Variants in SMAP1 observed in about 807,000 individuals in gnomAD.
SMAP1 encodes small ArfGAP 1.
SMAP1 carries 24 observed loss-of-function variants against 58.5 expected under a neutral mutation model. That is an observed-to-expected ratio of 0.41 (90% CI 0.30 to 0.58). The LOEUF (loss-of-function observed/expected upper bound fraction) is 0.58. Ranked by LOEUF, SMAP1 falls within the 20% of genes least tolerant of loss-of-function variation. The pLI is 0.29. For synonymous variants in SMAP1, 216 were observed against 196.6 expected, an observed-to-expected ratio of 1.10 and a Z score of -0.82; for missense variants, 563 against 566.3, an observed-to-expected ratio of 0.99 and a Z score of 0.06.
At chr6:70,816,672 G>A (rs1412898131) in intron 6 of SMAP1, among the ~76,000 whole-genome samples, 2 of 152,100 alleles carry the variant, frequency 1.3e-5, no homozygotes, top group African/African-American at 2.4e-5. Flanking sequence ...AAAACAAAAT[G>A]TCCTGCTGTC....
intron 6 of SMAP1, among the ~76,000 whole-genome samples, chr6:70,805,072 C>T (rs1016717942): frequency 7.9e-5 from 12 of 152,056 alleles, no homozygotes; most frequent in African/African-American, 2.9e-4. Context: ...GTACGTTCTC[C>T]TGGATAATAT....
chr6:70,753,681 T>C (rs778065680), intron 2 of SMAP1, among the ~76,000 whole-genome samples: 45 of 152,150 alleles, frequency 3.0e-4, no homozygotes, highest in Admixed American at 3.9e-4. Flanking sequence ...GACTTTATAC[T>C]GTTTACCTTT....
chr6:70,765,283 T>C (rs979929611), intron 3 of SMAP1, among the ~76,000 whole-genome samples: 4 of 152,232 alleles, frequency 2.6e-5, no homozygotes, highest in Non-Finnish European at 5.9e-5. Flanking sequence ...ACCACGACTT[T>C]AAGCAAAATG....
intron 6 of SMAP1, among the ~76,000 whole-genome samples, chr6:70,824,807 G>A (rs768830558): frequency 2.0e-5 from 3 of 152,080 alleles, no homozygotes; most frequent in Non-Finnish European, 4.4e-5. Context: ...AAGAACTGTC[G>A]GCTGCCCTTT....
intron 7 of SMAP1, among the ~76,000 whole-genome samples, chr6:70,840,252 A>G (rs1034528215): frequency 1.3e-5 from 2 of 152,184 alleles, no homozygotes; most frequent in African/African-American, 4.8e-5. Context: ...GTTTCATAAT[A>G]GCCTAATACT....
At chr6:70,813,587 C>T (rs988293277) in intron 6 of SMAP1, among the ~76,000 whole-genome samples, 2 of 151,484 alleles carry the variant, frequency 1.3e-5, no homozygotes, top group African/African-American at 2.4e-5. Flanking sequence ...CCTTCTCTTC[C>T]CCTACTCCCT....
chr6:70,842,677 C>A (rs1474526075), intron 7 of SMAP1, among the ~76,000 whole-genome samples: 1 of 152,160 alleles, frequency 6.6e-6, no homozygotes, highest in Non-Finnish European at 1.5e-5. Flanking sequence ...CTAATTATCT[C>A]ATTTGAAGAG....
intron 1 of SMAP1, among the ~76,000 whole-genome samples, chr6:70,686,434 A>G (rs1408844179): frequency 5.9e-5 from 9 of 152,216 alleles, no homozygotes; most frequent in African/African-American, 2.2e-4. Flanking sequence ...ATGGGTGTAA[A>G]TGGCCCTTGA....
At chr6:70,828,845 G>C (rs1482676457) in intron 6 of SMAP1, among the ~76,000 whole-genome samples, 1 of 152,166 alleles carries the variant, frequency 6.6e-6, no homozygotes, top group African/African-American at 2.4e-5. Flanking sequence ...CTGTACTCCA[G>C]CCTGGGCAAG....
At chr6:70,776,922 G>A (rs1440878861) in intron 4 of SMAP1, among the ~76,000 whole-genome samples, 1 of 152,076 alleles carries the variant, frequency 6.6e-6, no homozygotes, top group South Asian at 2.1e-4. Flanking sequence ...TCTGTATCTT[G>A]GCTATTGTGA....
At chr6:70,800,507 G>A (rs1050461424) in intron 6 of SMAP1, among the ~76,000 whole-genome samples, 1 of 151,558 alleles carries the variant, frequency 6.6e-6, no homozygotes, top group Non-Finnish European at 1.5e-5. Flanking sequence ...TTTTGTTTCT[G>A]TTTTCATTTT....
At chr6:70,775,834 A>AAAT (rs1767525136) in intron 4 of SMAP1, among the ~76,000 whole-genome samples, 1 of 152,206 alleles carries the variant, frequency 6.6e-6, no homozygotes, top group Non-Finnish European at 1.5e-5. Flanking sequence ...AATATAAGCA[A>AAAT]AATAATAATA....
At chr6:70,733,692 T>C (rs1047160606) in intron 2 of SMAP1, among the ~76,000 whole-genome samples, 3 of 152,180 alleles carry the variant, frequency 2.0e-5, no homozygotes, top group Non-Finnish European at 4.4e-5. Context: ...GTAACTCTTT[T>C]TCAAGAAACG....
intron 6 of SMAP1, among the ~76,000 whole-genome samples, chr6:70,823,449 C>T (rs1284480093): frequency 6.6e-6 from 1 of 152,110 alleles, no homozygotes; most frequent in Non-Finnish European, 1.5e-5. Context: ...AAACTCCTAG[C>T]AGGTCAGGCT....
In SMAP1 at chr6:70,861,589, G is replaced by T; in HGVS notation, c.*1255G>T. 7.3e-7 allele frequency: 1 copy of T among 1,365,950 alleles called. No homozygotes were observed. The allele number at this position is 1,365,950 out of a possible 1,614,324, so 84.6% of individuals were successfully genotyped here. On this transcript the variant is annotated 3_prime_UTR_variant, in exon 11 of 11. Transcript: ENST00000370455. ...AAAACAAACAATACCTGAATGCTCT[G>T]TAGCCTAAACTCCAAACATCCTCTT...
chr6:70,791,309 T>C (rs929719169), intron 4 of SMAP1, among the ~76,000 whole-genome samples: 1 of 152,234 alleles, frequency 6.6e-6, no homozygotes, highest in African/African-American at 2.4e-5. Context: ...GCTCTTCTAC[T>C]ACTTGGGACA....
intron 2 of SMAP1, among the ~76,000 whole-genome samples, chr6:70,736,854 C>T (rs1765638138): frequency 6.6e-6 from 1 of 152,230 alleles, no homozygotes; most frequent in African/African-American, 2.4e-5. Flanking sequence ...ATTTGTTTTA[C>T]ACAGTGCATT....
chr6:70,822,560 A>G (rs1769935887), intron 6 of SMAP1, among the ~76,000 whole-genome samples: 1 of 152,168 alleles, frequency 6.6e-6, no homozygotes, highest in Non-Finnish European at 1.5e-5. Context: ...AAGAAAAGGT[A>G]AGGGCAAAGG....
At chr6:70,783,285 A>T (rs1381589680) in intron 4 of SMAP1, among the ~76,000 whole-genome samples, 5 of 152,194 alleles carry the variant, frequency 3.3e-5, no homozygotes, top group Non-Finnish European at 5.9e-5. Flanking sequence ...GGACATCCAC[A>T]CCAGAAACCC....
Sources: gnomAD v4.1 joint callset for allele counts (sites outside exome capture counted in the v4.1 genomes callset) on GRCh38, gnomAD v4.1.1 for gene constraint, MANE v1.5 for transcripts, NCBI Gene and HGNC (gene_info 2026-07-23, HGNC 2026-07-21) for gene names.